SGSM2: variants seen among roughly 807,000 people sequenced by gnomAD.
SGSM2 encodes small G protein signaling modulator 2, also known as RUN and TBC1 domain containing 1.
Under a neutral mutation model 126.6 loss-of-function variants are expected in SGSM2, and 89 were observed. The ratio of observed to expected loss-of-function variants is 0.70; its 90% confidence interval spans 0.59 to 0.84. SGSM2 has a LOEUF of 0.84. Ranked by LOEUF, SGSM2 falls within the 40% of genes least tolerant of loss-of-function variation. The pLI, the probability that SGSM2 is intolerant of heterozygous loss-of-function variation, is 0.00. For synonymous variants in SGSM2, 614 were observed against 574.3 expected (o/e 1.07, Z -0.99); for missense variants, 1,404 against 1,416.6 (o/e 0.99, Z 0.14).
chr17:2,365,110 C>T (rs1463615229), intron 10 of SGSM2, 53 bp downstream of exon 10: 13 of 1,598,612 alleles, frequency 8.1e-6, no homozygotes, highest in African/African-American at 4.0e-5. Flanking sequence ...GTTCTCTGCC[C>T]GCCTCCCTTC....
At chr17:2,375,299 G>T in intron 17 of SGSM2, 193 bp from the exon 18 acceptor site, 1 of 623,050 alleles carries the variant, frequency 1.6e-6, no homozygotes, top group East Asian at 3.0e-5. Flanking sequence ...TGTTTGGCCA[G>T]AGGCTTGTTT....
At chr17:2,373,627 G>C in intron 17 of SGSM2, 114 bp downstream of exon 17, 1 of 918,378 alleles carries the variant, frequency 1.1e-6, no homozygotes, top group Non-Finnish European at 1.6e-6. Context: ...CTGCGAGAAA[G>C]GCCTAAGGTG....
chr17:2,338,950 C>G (rs2064218782), intron 1 of SGSM2, among the ~76,000 whole-genome samples: 1 of 150,812 alleles, frequency 6.6e-6, no homozygotes. Flanking sequence ...TCCCAGCTAC[C>G]CGGGAGACTG....
At position 2,363,120 on chromosome 17, in the gene SGSM2, C is replaced by T. The variant is rs776543388; in HGVS notation, c.658C>T (p.Arg220Cys). 7 of 1,606,160 alleles carry T rather than the reference C, an allele frequency of 4.4e-6. No homozygotes were observed. Among genetic ancestry groups the T allele is most frequent in the South Asian group, 1.1e-5 (1 of 90,218 alleles). Residue 220 changes from arginine (R) to cysteine (C), a missense_variant, in exon 6 of 24, where the codon CGC becomes TGC. Arg to Cys is a radical substitution (Grantham distance 180). Coordinates refer to ENST00000268989, the MANE Select transcript of SGSM2 (RefSeq NM_014853.3). This position sits in a 1 kb window ranked among gnomAD's most constrained non-coding sequence, Gnocchi z 4.2. ...PPTRQDSPAK[R>C]PALGIRKRHS... ...TACTCGCCAGGACTCCCCTGCAAAGCGCCCAGCCCTGGGGGTAGGTGCCCC... is the reference window on the plus strand; with the variant it reads ...TACTCGCCAGGACTCCCCTGCAAAGTGCCCAGCCCTGGGGGTAGGTGCCCC...
At chr17:2,349,848 A>C (rs1365845628) in intron 2 of SGSM2, among the ~76,000 whole-genome samples, 8 of 147,840 alleles carry the variant, frequency 5.4e-5, no homozygotes, top group Admixed American at 3.4e-4. Context: ...AGTGCAATGG[A>C]GCGGTCTTGG....
chr17:2,349,373 TA>T (rs11374532), intron 2 of SGSM2, among the ~76,000 whole-genome samples: 13 of 148,084 alleles, frequency 8.8e-5, no homozygotes, highest in Non-Finnish European at 9.0e-5. Flanking sequence ...AGACTTGGTC[TA>T]AAAAAAAAAA....
At position 2,372,955 on chromosome 17, in the gene SGSM2, C is replaced by G; in HGVS notation, c.1791C>G (p.Asn597Lys). Residue 597 changes from asparagine (N) to lysine (K), a missense_variant and splice_region_variant, in exon 16 of 24, where the codon AAC (asparagine) becomes AAG (lysine). By Grantham distance (94) the Asn-to-Lys change is moderately conservative (BLOSUM62 0). Coordinates refer to ENST00000268989, the MANE Select transcript of SGSM2 (RefSeq NM_014853.3). The surrounding 1 kb of genome is among the most constrained non-coding windows in gnomAD (Gnocchi z 6.0). ...VWSKYQKDKK[N>K]YKELELLRQV... is the part of the protein sequence containing the mutation. ...TCTTGACTCCCCGGGTCCCTCAGAA[C>G]TACAAAGAGCTGGAGCTGCTGCGGC... 6.4e-7 allele frequency: 1 copy of G among 1,562,770 alleles called. No homozygotes were observed. Among genetic ancestry groups the G allele is most frequent in the Non-Finnish European group, 8.7e-7 (1 of 1,152,986 alleles).
At position 2,367,896 on chromosome 17, in the gene SGSM2, C is replaced by T. The variant is rs529412041; in HGVS notation, c.1423+491C>T. ...AGGCGAGGGGTTGAGGGCTGCCATG[C>T]GAAGGGCCCCAGGGCTCAGTCTTCC... On this transcript the variant is annotated intron_variant, in intron 12 of 23. Transcript: ENST00000268989. The surrounding 1 kb of genome is among the most constrained non-coding windows in gnomAD (Gnocchi z 4.0). Among the ~76,000 whole-genome samples the T allele has an allele frequency of 1.3e-5, 2 of 152,264 alleles. No individual in the cohort carries two copies. The highest frequency in any genetic ancestry group is 2.1e-4 in the South Asian group (1 of 4,824).
At chr17:2,376,082 C>A in intron 18 of SGSM2, 55 bp from the exon 19 acceptor site, 1 of 1,611,232 alleles carries the variant, frequency 6.2e-7, no homozygotes, top group South Asian at 1.1e-5. Flanking sequence ...ACCTCCTGCC[C>A]CCAGCCTGGG....
At chr17:2,379,321 G>A in intron 23 of SGSM2, 111 bp from the exon 24 acceptor site, 11 of 1,566,268 alleles carry the variant, frequency 7.0e-6, no homozygotes, top group Non-Finnish European at 9.6e-6. Context: ...CCAAAGGCCG[G>A]GATGTCAAGA....
chr17:2,372,808 C>T lies in SGSM2; in HGVS notation c.1789-145C>T, dbSNP rs772447562. On this transcript the variant is annotated intron_variant, in intron 15 of 23. Transcript: ENST00000268989. The surrounding 1 kb of genome is among the most constrained non-coding windows in gnomAD (Gnocchi z 6.0). ...CACTGTGAGCTGGGGCACGGGAGGACGTGGCCACCCCAAAGCAGGCCTTGC... is the reference window on the plus strand; with the variant it reads ...CACTGTGAGCTGGGGCACGGGAGGATGTGGCCACCCCAAAGCAGGCCTTGC... 53 of 1,141,360 alleles carry T rather than the reference C, an allele frequency of 4.6e-5. No homozygotes were observed. The highest frequency in any genetic ancestry group is 9.7e-5 in the South Asian group (6 of 61,848). The allele number at this position is 1,141,360 out of a possible 1,614,324, so 70.7% of individuals were successfully genotyped here.
chr17:2,352,767 C>CTTTTTTT (rs71150860), intron 2 of SGSM2, among the ~76,000 whole-genome samples: 11 of 85,968 alleles, frequency 1.3e-4, no homozygotes, highest in East Asian at 8.8e-4. Context: ...GCTGCATTTT[C>CTTTTTTT]TTTTTTTTTT....
rs114713705 is a variant in SGSM2, at chr17:2,378,539, A to G, written c.2900-497A>G. 6.5e-3 allele frequency among the ~76,000 whole-genome samples: 989 copies of G among 151,938 alleles called. 13 individuals are homozygous for G. The highest frequency in any genetic ancestry group is 0.025 in the East Asian group (129 of 5,178). On this transcript the variant is annotated intron_variant, in intron 22 of 23. Transcript: ENST00000268989. The stretch of plus-strand genomic sequence containing the variant: ...GAGCCAGACTGTGTCTCAAAAAAAA[A>G]AAAAGAAAAGAAAAGAAAAAATTGA...
chr17:2,371,687 AC>A, intron 13 of SGSM2: 1 of 458,888 alleles, frequency 2.2e-6, no homozygotes, highest in Non-Finnish European at 3.9e-6. Context: ...ATGAGAGAGA[AC>A]CCAAGTGAAG....
intron 2 of SGSM2, among the ~76,000 whole-genome samples, chr17:2,347,427 T>A (rs978065627): frequency 2.0e-5 from 3 of 150,590 alleles, no homozygotes; most frequent in East Asian, 2.0e-4. Flanking sequence ...TTTTTTTTTT[T>A]AAACAAAATC....
Position 2,362,014 on chromosome 17 carries a change from TC to T in SGSM2, c.297-92del. ...CCCAACCCCAGTCAGTTCTCTGTGC[TC>T]CCATCTTGGGGTACCAAGCCCCACT... is the stretch of plus-strand genomic sequence containing the variant. On this transcript the variant is annotated intron_variant, in intron 3 of 23. Transcript: ENST00000268989. This position sits in a 1 kb window ranked among gnomAD's most constrained non-coding sequence, Gnocchi z 4.9. 1 of 1,467,492 alleles carries T rather than the reference TC, an allele frequency of 6.8e-7. No individual in the cohort carries two copies. The highest frequency in any genetic ancestry group is 9.2e-7 in the Non-Finnish European group (1 of 1,091,564). The allele number at this position is 1,467,492 out of a possible 1,614,324, so 90.9% of individuals were successfully genotyped here. A position where few individuals can be genotyped will look rare whatever the true frequency, so the allele number is the denominator to read the frequency against.
Position 2,376,209 on chromosome 17 carries a change from T to A in SGSM2, c.2557T>A (p.Tyr853Asn), listed in dbSNP as rs1193271501. 1.2e-6 allele frequency: 2 copies of A among 1,613,896 alleles called. No individual in the cohort carries two copies. Among genetic ancestry groups the A allele is most frequent in the Non-Finnish European group, 1.7e-6 (2 of 1,180,010 alleles). ...DKDVQRCDRN[Y>N]WYFTPPNLER... is the part of the protein sequence containing the mutation. ...GGATGTGCAGAGGTGTGACCGCAAC[T>A]ACTGGTACTTCACGCCCCCCAACCT... Residue 853 changes from tyrosine (Y) to asparagine (N), a missense_variant, in exon 19 of 24, where the codon TAC becomes AAC. By Grantham distance (143) the Tyr-to-Asn change is moderately radical. Coordinates refer to ENST00000268989, the MANE Select transcript of SGSM2 (RefSeq NM_014853.3).
At chr17:2,379,286 T>C (rs751940850) in intron 23 of SGSM2, 83 bp downstream of exon 23, 2 of 1,572,178 alleles carry the variant, frequency 1.3e-6, no homozygotes, top group Admixed American at 1.7e-5. Context: ...GCTGGAGGGT[T>C]CTCAGGAATC....
Position 2,364,074 on chromosome 17 carries a change from G to A in SGSM2, c.823G>A (p.Ala275Thr). 6.2e-7 allele frequency: 1 copy of A among 1,614,090 alleles called. No individual in the cohort carries two copies. The highest frequency in any genetic ancestry group is 8.5e-7 in the Non-Finnish European group (1 of 1,180,018). ...CCCGCTGTAGAAGGAGGATATGGAG[G>A]CGGTCCCTGGCTACCTCTCCCTGCA... ...VLVQPKEDME[A>T]VPGYLSLHQS... Residue 275 changes from alanine (A) to threonine (T), a missense_variant, in exon 8 of 24, where the codon GCG (alanine) becomes ACG (threonine). Physicochemically the swap from Ala to Thr is moderately conservative, Grantham distance 58. Coordinates refer to ENST00000268989, the MANE Select transcript of SGSM2 (RefSeq NM_014853.3).
Sources: allele counts gnomAD v4.1 joint callset (sites outside exome capture counted in the v4.1 genomes callset), GRCh38; gene constraint gnomAD v4.1.1; non-coding constraint Gnocchi (gnomAD v3.1); transcripts MANE v1.5; gene names NCBI Gene and HGNC (gene_info 2026-07-23, HGNC 2026-07-21).